Variants in ABCC9 observed in about 807,000 individuals in gnomAD.
ABCC9 encodes ATP binding cassette subfamily C member 9, also known as ATP-binding cassette sub-family C member 9.
ABCC9 carries 95 observed loss-of-function variants against 188.3 expected under a neutral mutation model. The observed-to-expected ratio is 0.50, with a 90% CI of 0.43 to 0.60. The LOEUF (loss-of-function observed/expected upper bound fraction) is 0.60, where lower values mean the gene tolerates loss of function less well. Ranked by LOEUF, ABCC9 falls within the 20% of genes least tolerant of loss-of-function variation. ABCC9 has a pLI of 0.00. For missense variants in ABCC9, 1,102 were observed against 1,876.3 expected (o/e 0.59, Z 7.62); for synonymous variants, 659 against 652.7 (o/e 1.01, Z -0.15).
chr12:21,895,343 T>G (rs1293183909), intron 12 of ABCC9, 28 bp from the exon 13 acceptor site: 1 of 1,594,718 alleles, frequency 6.3e-7, no homozygotes, highest in African/African-American at 1.3e-5. Context: ...ATGCATTAGT[T>G]TCATTGAACT....
intron 19 of ABCC9, among the ~76,000 whole-genome samples, chr12:21,863,441 A>G (rs1945625356): frequency 6.6e-6 from 1 of 151,868 alleles, no homozygotes; most frequent in Non-Finnish European, 1.5e-5. Context: ...TAAATTCTAC[A>G]TGCAAACTTT....
chr12:21,815,716 C>G (rs536843080), intron 34 of ABCC9, 47 bp downstream of exon 34: 2 of 1,605,694 alleles, frequency 1.2e-6, no homozygotes, highest in Non-Finnish European at 1.7e-6. Flanking sequence ...AGCAGACTCC[C>G]TCAGAGGTTT....
At chr12:21,807,621 CA>C in intron 37 of ABCC9, 142 bp from the exon 38 acceptor site, 1 of 1,151,368 alleles carries the variant, frequency 8.7e-7, no homozygotes, top group Non-Finnish European at 1.3e-6. Context: ...CATACTGGAA[CA>C]CAAAGAGGAA....
chr12:21,845,572 T>A lies in ABCC9; in HGVS notation c.3096+31A>T, dbSNP rs1944616452. On this transcript the variant is annotated intron_variant, in intron 26 of 39. Coordinates refer to ENST00000261200, the MANE Select transcript of ABCC9 (RefSeq NM_020297.4). Reference sequence around the variant, plus strand: ...ACTGTTAATCTCAATATTTCCTTGATGATTTAAAAACAAAACCGAACCAAT... The same window carrying A: ...ACTGTTAATCTCAATATTTCCTTGAAGATTTAAAAACAAAACCGAACCAAT... The A allele has an allele frequency of 1.9e-6, 3 of 1,564,484 alleles. No homozygotes were observed. In the South Asian group the frequency reaches 3.3e-5, roughly 17 times the overall value.
chr12:21,830,371 G>T (rs1013525459), intron 30 of ABCC9, among the ~76,000 whole-genome samples: 7 of 152,096 alleles, frequency 4.6e-5, no homozygotes, highest in African/African-American at 1.7e-4. Flanking sequence ...ATCAAAATGT[G>T]ATTTATTCAC....
intron 30 of ABCC9, among the ~76,000 whole-genome samples, chr12:21,834,793 A>ACACT (rs1382939355): frequency 8.2e-6 from 1 of 121,672 alleles, no homozygotes; most frequent in Non-Finnish European, 1.8e-5. Context: ...TTATACACAC[A>ACACT]CACACACACA....
At chr12:21,802,453 C>A (rs1003330211) in intron 39 of ABCC9, among the ~76,000 whole-genome samples, 1 of 152,064 alleles carries the variant, frequency 6.6e-6, no homozygotes, top group Non-Finnish European at 1.5e-5. Flanking sequence ...TAGAAATAAA[C>A]AAATGAAAGC....
intron 22 of ABCC9, among the ~76,000 whole-genome samples, chr12:21,853,631 A>G (rs1945078826): frequency 2.0e-5 from 3 of 152,264 alleles, no homozygotes; most frequent in South Asian, 2.1e-4. Flanking sequence ...TTATTTTCAT[A>G]TATATTTCAT....
In ABCC9 at chr12:21,890,955, A is replaced by G. The variant is rs573671694; in HGVS notation, c.1803-3021T>C. On this transcript the variant is annotated intron_variant, in intron 14 of 39. Coordinates refer to ENST00000261200, the MANE Select transcript of ABCC9 (RefSeq NM_020297.4). Reference sequence around the variant, plus strand: ...TTGCACGTTGTGCACATGTACCCTAAAACTTACAGTATAATAATAATAAAA... The same window carrying G: ...TTGCACGTTGTGCACATGTACCCTAGAACTTACAGTATAATAATAATAAAA... 9.2e-5 allele frequency among the ~76,000 whole-genome samples: 14 copies of G among 152,136 alleles called. No individual in the cohort carries two copies. In the South Asian group the frequency reaches 2.9e-3, roughly 32 times the overall value.
chr12:21,827,778 C>G (rs1943473534), intron 31 of ABCC9, among the ~76,000 whole-genome samples: 1 of 152,214 alleles, frequency 6.6e-6, no homozygotes, highest in South Asian at 2.1e-4. Context: ...ACCAGTACTT[C>G]TGTCAAAACT....
At chr12:21,862,552 C>T (rs1458254448) in intron 20 of ABCC9, among the ~76,000 whole-genome samples, 1 of 150,972 alleles carries the variant, frequency 6.6e-6, no homozygotes, top group Non-Finnish European at 1.5e-5. Context: ...TCTGGCTGTT[C>T]CCAGTCACCA....
At chr12:21,887,601 G>A (rs1046392431) in intron 15 of ABCC9, among the ~76,000 whole-genome samples, 69 of 152,000 alleles carry the variant, frequency 4.5e-4, no homozygotes, top group Non-Finnish European at 5.6e-4. Flanking sequence ...AATTAAACAC[G>A]TCTTGTCTCT....
chr12:21,919,269 A>AAT (rs1310541389), intron 5 of ABCC9, among the ~76,000 whole-genome samples: 2 of 152,028 alleles, frequency 1.3e-5, no homozygotes, highest in African/African-American at 4.8e-5. Flanking sequence ...AGACTAATAA[A>AAT]ATTGATAAGT....
intron 31 of ABCC9, among the ~76,000 whole-genome samples, chr12:21,818,524 A>ATATG (rs759971894): frequency 8.0e-6 from 1 of 125,034 alleles, no homozygotes; most frequent in South Asian, 2.6e-4. Context: ...AGATATATAT[A>ATATG]TATGTGTGTG....
intron 30 of ABCC9, chr12:21,830,974 T>TTATC (rs3983520): frequency 0.21 from 30,197 of 147,252 alleles, 3,258 homozygotes; most frequent in Admixed American, 0.27. Context: ...ACCATAAAGA[T>TTATC]TATCTATCTA....
intron 30 of ABCC9, among the ~76,000 whole-genome samples, chr12:21,835,680 T>C (rs1325826681): frequency 6.6e-6 from 1 of 152,192 alleles, no homozygotes. Context: ...GCTGGTAGTC[T>C]GAAATTTTTC....
rs767618165 is a variant in ABCC9 at position 21,797,792 on chromosome 12, T to A, written c.*3252A>T. The A allele has an allele frequency of 5.3e-5, 8 of 152,196 alleles. No homozygotes were observed. The highest frequency in any genetic ancestry group is 7.4e-5 in the Non-Finnish European group (5 of 68,026). The allele number at this position is 152,196 out of a possible 1,614,324, so 9.4% of individuals were successfully genotyped here. On this transcript the variant is annotated 3_prime_UTR_variant, in exon 40 of 40. Coordinates refer to ENST00000261200, the MANE Select transcript of ABCC9 (RefSeq NM_020297.4). Reference sequence around the variant, plus strand: ...TTGTTTATACAAAGTCTTTTCCCTGTCAATGACATAAGTAACCCTGGTATT... The same window carrying A: ...TTGTTTATACAAAGTCTTTTCCCTGACAATGACATAAGTAACCCTGGTATT...
At chr12:21,936,468 A>C in intron 3 of ABCC9, 65 bp downstream of exon 3, 2 of 1,402,858 alleles carry the variant, frequency 1.4e-6, no homozygotes, top group East Asian at 2.4e-5. Flanking sequence ...CATTATCCCA[A>C]ATCTCAGCCA....
intron 18 of ABCC9, among the ~76,000 whole-genome samples, chr12:21,870,685 T>A (rs1946024690): frequency 2.0e-5 from 3 of 152,204 alleles, no homozygotes; most frequent in Admixed American, 6.5e-5. Context: ...CCATATTTTA[T>A]AATTATACAG....
Sources: gnomAD v4.1 joint callset for allele counts (sites outside exome capture counted in the v4.1 genomes callset) on GRCh38, gnomAD v4.1.1 for gene constraint, MANE v1.5 for transcripts, NCBI Gene and HGNC (gene_info 2026-07-23, HGNC 2026-07-21) for gene names.